The following C10orf71 variants were observed in gnomAD, a reference collection of about 807,000 sequenced individuals.
C10orf71 encodes chromosome 10 open reading frame 71.
For synonymous variants in C10orf71, 758 were observed against 726.3 expected (o/e 1.04, Z -0.70); for missense variants, 1,869 against 1,804.5 (o/e 1.04, Z -0.65).
chr10:49,310,414 G>A (rs1456459218), intron 1 of C10orf71, among the ~76,000 whole-genome samples: 1 of 152,206 alleles, frequency 6.6e-6, no homozygotes, highest in African/African-American at 2.4e-5. Flanking sequence ...GAATCCACAG[G>A]CCAGAGGTTC....
rs577605548 is a variant in C10orf71, at chr10:49,308,279, C to T, written c.-247-7866C>T. 2.0e-5 allele frequency among the ~76,000 whole-genome samples: 3 copies of T among 152,356 alleles called. No individual in the cohort carries two copies. The South Asian group carries it at 6.2e-4, about 32-fold the overall frequency. On this transcript the variant is annotated intron_variant, in intron 1 of 2. Transcript: ENST00000374144. ...ACATGTAATGTGGTTGTAGAAGATT[C>T]AGACTCCCACCAGGCCAACACTGCC...
At chr10:49,299,897 G>C (rs896769765) in intron 1 of C10orf71, among the ~76,000 whole-genome samples, 1 of 152,240 alleles carries the variant, frequency 6.6e-6, no homozygotes, top group African/African-American at 2.4e-5. Flanking sequence ...TGACTGAGAC[G>C]TTCTGGCCTG....
At position 49,324,539 on chromosome 10, in the gene C10orf71, C is replaced by A. The variant is rs1173747536; in HGVS notation, c.1994C>A (p.Thr665Asn). 3 of 1,613,450 alleles carry A rather than the reference C, an allele frequency of 1.9e-6. No individual in the cohort carries two copies. The highest frequency in any genetic ancestry group is 2.5e-6 in the Non-Finnish European group (3 of 1,179,674). The change falls in exon 3 of 3, where the codon ACC becomes AAC. Residue 665 changes from threonine (T) to asparagine (N), a missense_variant. Coordinates refer to ENST00000374144, the MANE Select transcript of C10orf71 (RefSeq NM_001135196.2). ...EPGGATEKMK[T>N]HQLENGLSRS... ...GGAGGGGCTACAGAGAAAATGAAGACCCACCAGCTAGAGAATGGGCTCTCC... is the reference window on the plus strand; with the variant it reads ...GGAGGGGCTACAGAGAAAATGAAGAACCACCAGCTAGAGAATGGGCTCTCC...
At chr10:49,309,793 G>A (rs756995901) in intron 1 of C10orf71, among the ~76,000 whole-genome samples, 4 of 152,154 alleles carry the variant, frequency 2.6e-5, no homozygotes, top group Admixed American at 6.5e-5. Context: ...TGAACTGCTC[G>A]TCACACATGC....
intron 2 of C10orf71, among the ~76,000 whole-genome samples, chr10:49,321,248 C>T (rs1477284380): frequency 6.6e-6 from 1 of 152,076 alleles, no homozygotes; most frequent in Non-Finnish European, 1.5e-5. Flanking sequence ...TCTGACAACC[C>T]CCACTCTACT....
In C10orf71 at chr10:49,311,273, G is replaced by A. The variant is rs113909534; in HGVS notation, c.-247-4872G>A. Among the ~76,000 whole-genome samples the A allele has an allele frequency of 6.4e-3, 971 of 152,302 alleles. 14 individuals are homozygous for A. The highest frequency in any genetic ancestry group is 0.023 in the African/African-American group (938 of 41,560). On this transcript the variant is annotated intron_variant, in intron 1 of 2. Transcript: ENST00000374144. Reference sequence around the variant, plus strand: ...CTGCAATAGGGCTTGGCATGTAGGAGTTGTGAGTCTTCTCCCCTACACTTC... The same window carrying A: ...CTGCAATAGGGCTTGGCATGTAGGAATTGTGAGTCTTCTCCCCTACACTTC...
In C10orf71 at chr10:49,325,887, C is replaced by T; in HGVS notation, c.3342C>T (p.Thr1114=). The change falls in exon 3 of 3, where the codon ACC becomes ACT. Residue 1114 remains threonine, a synonymous_variant. Coordinates refer to ENST00000374144, the MANE Select transcript of C10orf71 (RefSeq NM_001135196.2). The stretch of plus-strand genomic sequence containing the variant: ...GGGTCACCCGGAGGGAGGACCTGAC[C>T]CACGCCCTCGTGTGGGAGGGCGGCT... The part of the protein sequence containing the change: ...PARVTRREDL[T]HALVWEGGSD... The T allele has an allele frequency of 6.5e-7, 1 of 1,549,968 alleles. No individual in the cohort carries two copies. The highest frequency in any genetic ancestry group is 8.7e-7 in the Non-Finnish European group (1 of 1,145,788).
rs777081340 is a variant in C10orf71, at chr10:49,324,079, A to T, written c.1534A>T (p.Ser512Cys). 2.5e-6 allele frequency: 4 copies of T among 1,614,008 alleles called. No individual in the cohort carries two copies. Among genetic ancestry groups the T allele is most frequent in the East Asian group, 4.5e-5 (2 of 44,878 alleles). ...NLKDVRKRVK[S>C]TYSSSPLLKV... ...CAAGGACGTGCGGAAGCGTGTTAAG[A>T]GCACATACAGTTCCTCACCTCTCTT... is the stretch of plus-strand genomic sequence containing the variant. The change falls in exon 3 of 3, where the codon AGC becomes TGC. Residue 512 changes from serine (S) to cysteine (C), a missense_variant. By Grantham distance (112) the Ser-to-Cys change is moderately radical (BLOSUM62 -1). Transcript: ENST00000374144.
In C10orf71 at chr10:49,323,761, CAG is replaced by C. The variant is rs1050520740; in HGVS notation, c.1221_1222del (p.Gly408ProfsTer20). ...TTTAGAAGAAAAGACACAGACCAAC[CAG>C]AGAGGCCCACCTTTGTATACAAAAC... ...DTLEEKTQTNQRGPPLYTKHN... is the reference protein window; with the variant it reads ...DTLEEKTQTNXRGPPLYTKHN... On this transcript the variant is annotated frameshift_variant, in exon 3 of 3. Transcript: ENST00000374144. LOFTEE classifies it low-confidence loss of function (END_TRUNC). 1 of 1,613,872 alleles carries C rather than the reference CAG, an allele frequency of 6.2e-7. No individual in the cohort carries two copies. The highest frequency in any genetic ancestry group is 1.3e-5 in the African/African-American group (1 of 74,904).
At position 49,325,600 on chromosome 10, in the gene C10orf71, C is replaced by T; in HGVS notation, c.3055C>T (p.Gln1019Ter). The change falls in exon 3 of 3, where the codon CAG becomes TAG. Residue 1019 changes from glutamine (Q) to a stop codon, truncating the protein, a stop_gained. Transcript: ENST00000374144. LOFTEE classifies it low-confidence loss of function (END_TRUNC). Reference sequence around the variant, plus strand: ...CATAGAAGACCAGCCACCCCCATGGCAGCCCGAAAACTGTTGGGAAGAGCA... The same window carrying T: ...CATAGAAGACCAGCCACCCCCATGGTAGCCCGAAAACTGTTGGGAAGAGCA... The part of the protein sequence containing the change: ...GDIEDQPPPW[Q>*]PENCWEEQTP... 6.4e-7 allele frequency: 1 copy of T among 1,552,000 alleles called. No homozygotes were observed. Among genetic ancestry groups the T allele is most frequent in the South Asian group, 1.2e-5 (1 of 84,064 alleles).
At chr10:49,302,263 C>T (rs1045278666) in intron 1 of C10orf71, among the ~76,000 whole-genome samples, 1 of 152,218 alleles carries the variant, frequency 6.6e-6, no homozygotes, top group African/African-American at 2.4e-5. Flanking sequence ...ATTGGAGCTG[C>T]CCCTTGGCTT....
intron 1 of C10orf71, among the ~76,000 whole-genome samples, chr10:49,312,890 G>C (rs1848940005): frequency 6.6e-6 from 1 of 152,180 alleles, no homozygotes; most frequent in Non-Finnish European, 1.5e-5. Flanking sequence ...ATAATTCTGT[G>C]ATTATAGGAT....
Position 49,324,462 on chromosome 10 carries a change from C to G in C10orf71, c.1917C>G (p.His639Gln). Residue 639 changes from histidine to glutamine, a missense_variant, in exon 3 of 3, where the codon CAC (histidine) becomes CAG (glutamine). Physicochemically the swap from His to Gln is conservative, Grantham distance 24. Coordinates refer to ENST00000374144, the MANE Select transcript of C10orf71 (RefSeq NM_001135196.2). ...GSSWCPDSRE[H>Q]RPRKHLSLRL... is the part of the protein sequence containing the mutation. ...GCTGGTGTCCAGACTCCAGGGAACA[C>G]CGCCCCAGGAAACACCTCTCCCTGA... The G allele has an allele frequency of 6.2e-7, 1 of 1,607,054 alleles. No homozygotes were observed. The highest frequency in any genetic ancestry group is 1.1e-5 in the South Asian group (1 of 90,090).
At chr10:49,304,705 G>A (rs886910979) in intron 1 of C10orf71, among the ~76,000 whole-genome samples, 2 of 152,214 alleles carry the variant, frequency 1.3e-5, no homozygotes, top group Non-Finnish European at 2.9e-5. Flanking sequence ...CTTTCAGGGG[G>A]TTCCCCTCCC....
At chr10:49,319,731 T>TATATATATATAC (rs1554859396) in intron 2 of C10orf71, among the ~76,000 whole-genome samples, 4 of 119,112 alleles carry the variant, frequency 3.4e-5, no homozygotes, top group Non-Finnish European at 5.2e-5. Context: ...TATATATATA[T>TATATATATATAC]ATACACATAC....
At chr10:49,304,650 G>T (rs1232418997) in intron 1 of C10orf71, among the ~76,000 whole-genome samples, 1 of 152,200 alleles carries the variant, frequency 6.6e-6, no homozygotes, top group African/African-American at 2.4e-5. Context: ...CAGGAGTCCT[G>T]CCTGAACCTC....
chr10:49,312,184 C>T (rs1390121017), intron 1 of C10orf71, among the ~76,000 whole-genome samples: 1 of 152,150 alleles, frequency 6.6e-6, no homozygotes, highest in Non-Finnish European at 1.5e-5. Flanking sequence ...GGCTCCAAGG[C>T]TACAGGGCAC....
chr10:49,302,727 C>G (rs1403335488), intron 1 of C10orf71, among the ~76,000 whole-genome samples: 1 of 152,218 alleles, frequency 6.6e-6, no homozygotes. Context: ...TCACTAGAGT[C>G]AAAACCTCCC....
In C10orf71 at chr10:49,327,013, G is replaced by C. The variant is rs752818272; in HGVS notation, c.*160G>C. On this transcript the variant is annotated 3_prime_UTR_variant, in exon 3 of 3. Transcript: ENST00000374144. ...TTAGATCCATAAAGTCCAGAAGGCA[G>C]TAGGGATCCCAAGACGACCTCACCC... 1.9e-5 allele frequency: 30 copies of C among 1,589,672 alleles called. No individual in the cohort carries two copies. Among genetic ancestry groups the C allele is most frequent in the Non-Finnish European group, 2.5e-5 (29 of 1,167,734 alleles).
Sources: gnomAD v4.1 joint callset for allele counts (sites outside exome capture counted in the v4.1 genomes callset) on GRCh38, gnomAD v4.1.1 for gene constraint, MANE v1.5 for transcripts, NCBI Gene and HGNC (gene_info 2026-07-23, HGNC 2026-07-21) for gene names.